Variants in CES5A observed in about 807,000 individuals in gnomAD.
CES5A encodes carboxylesterase 5A.
In CES5A, 67 loss-of-function variants were observed where a neutral mutation model predicts 62.9. The ratio of observed to expected loss-of-function variants is 1.07; its 90% CI spans 0.88 to 1.31. The LOEUF (loss-of-function observed/expected upper bound fraction) is 1.31. Among genes scored for constraint, CES5A ranks in the 50% most tolerant of loss-of-function variants. The pLI, the probability that CES5A is intolerant of heterozygous loss-of-function variation, is 0.00. For missense variants in CES5A, 748 were observed against 708.5 expected, an observed-to-expected ratio of 1.06 and a Z score of -0.63; for synonymous variants, 296 against 280.8, an observed-to-expected ratio of 1.05 and a Z score of -0.54.
At chr16:55,906,761 C>T (rs2034043830) in intron 1 of CES5A, among the ~76,000 whole-genome samples, 1 of 152,118 alleles carries the variant, frequency 6.6e-6, no homozygotes, top group Non-Finnish European at 1.5e-5. Flanking sequence ...GTCTTATGCA[C>T]CTGCTCAGAA....
intron 1 of CES5A, among the ~76,000 whole-genome samples, chr16:55,891,465 C>T (rs1473462421): frequency 2.0e-5 from 3 of 152,140 alleles, no homozygotes; most frequent in Non-Finnish European, 2.9e-5. Context: ...TTTAGGGAGA[C>T]AAGAGATGTC....
intron 8 of CES5A, among the ~76,000 whole-genome samples, chr16:55,856,917 T>C (rs542813060): frequency 6.6e-6 from 1 of 152,360 alleles, no homozygotes; most frequent in South Asian, 2.1e-4. Flanking sequence ...GACCTCGGAC[T>C]TCCAGTCCCT....
At chr16:55,919,904 C>T (rs1324334903) in intron 1 of CES5A, among the ~76,000 whole-genome samples, 1 of 152,122 alleles carries the variant, frequency 6.6e-6, no homozygotes, top group Non-Finnish European at 1.5e-5. Flanking sequence ...TCCTGAAAGG[C>T]AGCTATAGTT....
At chr16:55,916,768 C>T (rs960228400) in intron 1 of CES5A, among the ~76,000 whole-genome samples, 1 of 152,204 alleles carries the variant, frequency 6.6e-6, no homozygotes, top group Non-Finnish European at 1.5e-5. Flanking sequence ...TTTGGACACA[C>T]CTCCTGCTGC....
chr16:55,950,535 G>T (rs1223282100), intron 1 of CES5A, among the ~76,000 whole-genome samples: 4 of 151,936 alleles, frequency 2.6e-5, no homozygotes, highest in Non-Finnish European at 5.9e-5. Flanking sequence ...TGAACTGGAA[G>T]ATTCAACCAA....
chr16:55,863,089 A>G (rs1374431507), intron 6 of CES5A, among the ~76,000 whole-genome samples: 1 of 152,212 alleles, frequency 6.6e-6, no homozygotes, highest in Non-Finnish European at 1.5e-5. Context: ...TATCACAAGC[A>G]AAGAATAACG....
intron 1 of CES5A, among the ~76,000 whole-genome samples, chr16:55,883,154 G>A (rs542650473): frequency 6.6e-6 from 1 of 152,358 alleles, no homozygotes; most frequent in Non-Finnish European, 1.5e-5. Context: ...TTGGTTGAGT[G>A]TGTGGTAGTC....
intron 2 of CES5A, among the ~76,000 whole-genome samples, chr16:55,946,515 G>A (rs1258520561): frequency 2.0e-5 from 3 of 152,182 alleles, no homozygotes; most frequent in Admixed American, 6.5e-5. Flanking sequence ...CCTCCTTTCT[G>A]TTGCAGTCTC....
chr16:55,860,469 C>G (rs781249034), intron 7 of CES5A, among the ~76,000 whole-genome samples: 3 of 152,068 alleles, frequency 2.0e-5, no homozygotes, highest in Non-Finnish European at 2.9e-5. Flanking sequence ...AGCCCAGGAA[C>G]CTTCTTGTAG....
intron 8 of CES5A, among the ~76,000 whole-genome samples, chr16:55,859,170 G>A (rs1392499062): frequency 1.3e-5 from 2 of 152,252 alleles, no homozygotes; most frequent in Non-Finnish European, 2.9e-5. Context: ...AAGGCTGGAT[G>A]TGAAAAATTT....
chr16:55,884,632 C>T (rs1304367720), intron 1 of CES5A, among the ~76,000 whole-genome samples: 1 of 152,058 alleles, frequency 6.6e-6, no homozygotes, highest in Non-Finnish European at 1.5e-5. Flanking sequence ...CGCTGTGTTG[C>T]CCAGACTGGA....
At chr16:55,854,531 C>CTTTCTGTTTTCTTTCTTTTTTT (rs1555479325) in intron 9 of CES5A, among the ~76,000 whole-genome samples, 2 of 52,160 alleles carry the variant, frequency 3.8e-5, no homozygotes, top group African/African-American at 9.0e-5. Context: ...TGTAGTGTTT[C>CTTTCTGTTTTCTTTCTTTTTTT]TTTTTTTTTT....
upstream of CES5A, among the ~76,000 whole-genome samples, chr16:55,880,325 C>T (rs1476679043): frequency 2.6e-5 from 4 of 152,138 alleles, no homozygotes; most frequent in South Asian, 4.1e-4. Flanking sequence ...TGGAGTCCCC[C>T]AGGAGGAACC....
intron 3 of CES5A, among the ~76,000 whole-genome samples, chr16:55,870,698 A>C (rs1416580276): frequency 3.3e-5 from 5 of 151,886 alleles, no homozygotes; most frequent in African/African-American, 7.3e-5. Context: ...ACTCTGTCCC[A>C]AAAAAAAGAG....
At chr16:55,853,453 C>G (rs1452006848) in intron 9 of CES5A, among the ~76,000 whole-genome samples, 1 of 152,126 alleles carries the variant, frequency 6.6e-6, no homozygotes, top group Non-Finnish European at 1.5e-5. Flanking sequence ...AATGTAGGAC[C>G]CTTCTGAGCA....
At chr16:55,915,708 A>C (rs2142454261) in intron 1 of CES5A, among the ~76,000 whole-genome samples, 1 of 152,268 alleles carries the variant, frequency 6.6e-6, no homozygotes, top group South Asian at 2.1e-4. Context: ...TAATGCCAGG[A>C]TGTACCTCTG....
chr16:55,948,045 TG>T (rs2034515046), intron 2 of CES5A, among the ~76,000 whole-genome samples: 1 of 151,622 alleles, frequency 6.6e-6, no homozygotes, highest in South Asian at 2.1e-4. Context: ...CCTGATTAGG[TG>T]GTATAAACCA....
At chr16:55,926,131 T>G (rs2034255536), upstream of CES5A, among the ~76,000 whole-genome samples, 1 of 152,152 alleles carries the variant, frequency 6.6e-6, no homozygotes, top group African/African-American at 2.4e-5. Flanking sequence ...ATTAACATGG[T>G]TCTGGAATGA....
At chr16:55,908,124 T>C (rs1405336777) in intron 1 of CES5A, among the ~76,000 whole-genome samples, 1 of 152,128 alleles carries the variant, frequency 6.6e-6, no homozygotes, top group Non-Finnish European at 1.5e-5. Context: ...TCTGATTCTT[T>C]ATCAATTTGC....
Sources: gnomAD v4.1 joint callset for allele counts (sites outside exome capture counted in the v4.1 genomes callset) on GRCh38, gnomAD v4.1.1 for gene constraint, MANE v1.5 for transcripts, NCBI Gene and HGNC (gene_info 2026-07-23, HGNC 2026-07-21) for gene names.